PDE6G: variants seen among roughly 807,000 people sequenced by gnomAD.
The protein encoded by PDE6G is phosphodiesterase 6G, also known as rod cGMP 3',5'-cyclic phosphodiesterase subunit gamma.
In PDE6G, 10 loss-of-function variants were observed where a neutral mutation model predicts 10.9. The observed-to-expected ratio is 0.91, with a 90% CI of 0.56 to 1.55. The LOEUF (loss-of-function observed/expected upper bound fraction) is 1.55. PDE6G is among the 40% of genes most tolerant of loss of function. PDE6G has a pLI of 0.00. For missense variants in PDE6G, 102 were observed against 110.1 expected, an observed-to-expected ratio of 0.93 and a Z score of 0.33; for synonymous variants, 41 against 42.8, an observed-to-expected ratio of 0.96 and a Z score of 0.16.
At chr17:81,656,825 A>G (rs1598722239), upstream of PDE6G, 1 of 582,230 alleles carries the variant, frequency 1.7e-6, no homozygotes. Context: ...GGGCCTCCCT[A>G]CTGCCTTTCC....
chr17:81,655,116 G>C (rs540824538), intron 1 of PDE6G, among the ~76,000 whole-genome samples: 1 of 152,166 alleles, frequency 6.6e-6, no homozygotes, highest in African/African-American at 2.4e-5. Context: ...GTGCTTTGCA[G>C]TTGGGGTGCT....
chr17:81,655,220 T>C (rs1453739633), intron 1 of PDE6G, among the ~76,000 whole-genome samples: 5 of 152,196 alleles, frequency 3.3e-5, no homozygotes, highest in Non-Finnish European at 2.9e-5. Context: ...ACCCACAAAA[T>C]GGGGGGCAGG....
In PDE6G at chr17:81,653,413, C is replaced by A. The variant is rs750161223; in HGVS notation, c.-59-49G>T. 19 of 1,352,312 alleles carry A rather than the reference C, an allele frequency of 1.4e-5. No homozygotes were observed. The South Asian group carries it at 1.7e-4, about 12-fold the overall frequency. 83.8% of individuals were successfully genotyped at this position (1,352,312 alleles called of 1,614,324 possible). On this transcript the variant is annotated intron_variant, in intron 1 of 3. Coordinates refer to ENST00000331056, the MANE Select transcript of PDE6G (RefSeq NM_002602.4). This position sits in a 1 kb window ranked among gnomAD's most constrained non-coding sequence, Gnocchi z 5.2. ...CCCAGTCAGCCCTCCTGCTTCCAAC[C>A]CTTGTGGGGGTCTCAACCCACCGGT...
chr17:81,663,046 T>C (rs2036528297), intron 1 of PDE6G: 2 of 152,194 alleles, frequency 1.3e-5, no homozygotes, highest in Non-Finnish European at 1.5e-5. Flanking sequence ...GAGCACAGGA[T>C]GAGGAATCTT....
rs2036329827 is a variant in PDE6G at position 81,650,484 on chromosome 17, GA to G, written c.*589del. 1 of 452,134 alleles carries G rather than the reference GA, an allele frequency of 2.2e-6. No individual in the cohort carries two copies. The highest frequency in any genetic ancestry group is 4.4e-6 in the Non-Finnish European group (1 of 225,498). 28.0% of individuals were successfully genotyped at this position (452,134 alleles called of 1,614,324 possible). ...GGCAAGGACACACTAATTTTATTTT[GA>G]AATAGGGACTGCAAGGGCAGGCTGT... On this transcript the variant is annotated 3_prime_UTR_variant, in exon 4 of 4. Coordinates refer to ENST00000331056, the MANE Select transcript of PDE6G (RefSeq NM_002602.4).
Position 81,651,213 on chromosome 17 carries a change from T to C in PDE6G, c.188-63A>G. 1 of 1,242,198 alleles carries C rather than the reference T, an allele frequency of 8.1e-7. No individual in the cohort carries two copies. The highest frequency in any genetic ancestry group is 1.2e-6 in the Non-Finnish European group (1 of 845,284). 76.9% of individuals were successfully genotyped at this position (1,242,198 alleles called of 1,614,324 possible). A position where few individuals can be genotyped will look rare whatever the true frequency, so the allele number is the denominator to read the frequency against. On this transcript the variant is annotated intron_variant, in intron 3 of 3. Coordinates refer to ENST00000331056, the MANE Select transcript of PDE6G (RefSeq NM_002602.4). This position sits in a 1 kb window ranked among gnomAD's most constrained non-coding sequence, Gnocchi z 4.8. ...ACGGCCTAGGGACCCCCCCATCCCC[T>C]GTGGCCCTGTTTCCCACAGCCCAGG...
At chr17:81,660,772 G>C (rs548811095), upstream of PDE6G, among the ~76,000 whole-genome samples, 10 of 152,304 alleles carry the variant, frequency 6.6e-5, no homozygotes, top group African/African-American at 2.2e-4. Flanking sequence ...GATTACAGGC[G>C]TGAGCTGCCG....
intron 2 of PDE6G, among the ~76,000 whole-genome samples, chr17:81,652,134 G>T (rs1031646220): frequency 4.0e-5 from 6 of 151,652 alleles, no homozygotes; most frequent in African/African-American, 1.5e-4. Flanking sequence ...GTGCGTTGAT[G>T]GGAGCGCGGT....
intron 2 of PDE6G, among the ~76,000 whole-genome samples, chr17:81,652,015 G>T (rs977722483): frequency 6.6e-6 from 1 of 151,972 alleles, no homozygotes; most frequent in Non-Finnish European, 1.5e-5. Flanking sequence ...ATTTGTGAAG[G>T]TGGCTTGTCT....
chr17:81,662,066 G>A (rs1376232205), intron 1 of PDE6G, among the ~76,000 whole-genome samples: 2 of 151,912 alleles, frequency 1.3e-5, no homozygotes, highest in Non-Finnish European at 2.9e-5. Context: ...CCTATGACCT[G>A]GAAGCCCCCT....
In PDE6G at chr17:81,651,179, G is replaced by A. The variant is rs1175882808; in HGVS notation, c.188-29C>T. 1 of 1,558,814 alleles carries A rather than the reference G, an allele frequency of 6.4e-7. No individual in the cohort carries two copies. Among genetic ancestry groups the A allele is most frequent in the East Asian group, 2.2e-5 (1 of 44,608 alleles). ...TGGGAGAAACGGGCCACGGATCAGAGAGGATCCCACGGCCTAGGGACCCCC... is the reference window on the plus strand; with the variant it reads ...TGGGAGAAACGGGCCACGGATCAGAAAGGATCCCACGGCCTAGGGACCCCC... On this transcript the variant is annotated intron_variant, in intron 3 of 3. Coordinates refer to ENST00000331056, the MANE Select transcript of PDE6G (RefSeq NM_002602.4). The surrounding 1 kb of genome is among the most constrained non-coding windows in gnomAD (Gnocchi z 4.8).
upstream of PDE6G, chr17:81,656,682 G>A (rs1355570189): frequency 4.3e-6 from 3 of 701,330 alleles, no homozygotes; most frequent in Admixed American, 6.0e-5. Context: ...AGGGGCTCAG[G>A]TGCTGTCAAG....
rs1486990906 is a variant in PDE6G at position 81,650,535 on chromosome 17, T to C, written c.*539A>G. On this transcript the variant is annotated 3_prime_UTR_variant, in exon 4 of 4. Coordinates refer to ENST00000331056, the MANE Select transcript of PDE6G (RefSeq NM_002602.4). ...TATTGAGAAGGATGGCCCCCTGGTG[T>C]GATGAGCTTGGGGCCTCATCTGCTC... 4.4e-6 allele frequency: 2 copies of C among 454,076 alleles called. No individual in the cohort carries two copies. The highest frequency in any genetic ancestry group is 1.6e-5 in the South Asian group (1 of 64,482). The allele number at this position is 454,076 out of a possible 1,614,324, so 28.1% of individuals were successfully genotyped here.
chr17:81,653,290 G>A lies in PDE6G; in HGVS notation c.16C>T (p.Pro6Ser). 6.2e-7 allele frequency: 1 copy of A among 1,613,628 alleles called. No individual in the cohort carries two copies. The highest frequency in any genetic ancestry group is 8.5e-7 in the Non-Finnish European group (1 of 1,179,962). MNLEP[P>S]KAEFRSATRV... ...GTGGCTGACCGGAACTCAGCCTTGGGCGGTTCCAGGTTCATGGTGAGGCTG... is the reference window on the plus strand; with the variant it reads ...GTGGCTGACCGGAACTCAGCCTTGGACGGTTCCAGGTTCATGGTGAGGCTG... The change falls in exon 2 of 4, where the codon CCC (proline) becomes TCC (serine). Residue 6 changes from proline (P) to serine (S), a missense_variant. Coordinates refer to ENST00000331056, the MANE Select transcript of PDE6G (RefSeq NM_002602.4). The surrounding 1 kb of genome is among the most constrained non-coding windows in gnomAD (Gnocchi z 5.2).
At chr17:81,652,015 G>A (rs977722483) in intron 2 of PDE6G, among the ~76,000 whole-genome samples, 1 of 151,972 alleles carries the variant, frequency 6.6e-6, no homozygotes. Context: ...ATTTGTGAAG[G>A]TGGCTTGTCT....
At chr17:81,661,516 G>A (rs903250345), upstream of PDE6G, among the ~76,000 whole-genome samples, 3 of 151,818 alleles carry the variant, frequency 2.0e-5, no homozygotes, top group African/African-American at 7.3e-5. Flanking sequence ...CAGGAGTTCG[G>A]GACCAGCCTG....
chr17:81,662,681 C>G (rs987325051), intron 1 of PDE6G, among the ~76,000 whole-genome samples: 25 of 152,134 alleles, frequency 1.6e-4, no homozygotes, highest in African/African-American at 5.8e-4. Context: ...GTTTATAGCT[C>G]TCACTAACTA....
chr17:81,658,243 C>T (rs1168898535), upstream of PDE6G, among the ~76,000 whole-genome samples: 1 of 151,912 alleles, frequency 6.6e-6, no homozygotes, highest in Non-Finnish European at 1.5e-5. Context: ...CACCACCACG[C>T]CCAGCTAATT....
At position 81,653,438 on chromosome 17, in the gene PDE6G, TGGAG is replaced by T. The variant is rs1447549475; in HGVS notation, c.-59-78_-59-75del. 9.6e-7 allele frequency: 1 copy of T among 1,046,810 alleles called. No individual in the cohort carries two copies. Among genetic ancestry groups the T allele is most frequent in the African/African-American group, 1.6e-5 (1 of 63,526 alleles). The allele number at this position is 1,046,810 out of a possible 1,614,324, so 64.8% of individuals were successfully genotyped here. On this transcript the variant is annotated intron_variant, in intron 1 of 3. Transcript: ENST00000331056. This position sits in a 1 kb window ranked among gnomAD's most constrained non-coding sequence, Gnocchi z 5.2. ...CCTTGTGGGGGTCTCAACCCACCGG[TGGAG>T]GGGCTGAGACCCAGCCCCGCCAGCT... is the stretch of plus-strand genomic sequence containing the variant.
Sources: allele counts gnomAD v4.1 joint callset (sites outside exome capture counted in the v4.1 genomes callset), GRCh38; gene constraint gnomAD v4.1.1; non-coding constraint Gnocchi (gnomAD v3.1); transcripts MANE v1.5; gene names NCBI Gene and HGNC (gene_info 2026-07-23, HGNC 2026-07-21).